ZNF608: variants seen among roughly 807,000 people sequenced by gnomAD.
ZNF608 encodes the protein renal carcinoma antigen NY-REN-36.
In ZNF608, 12 loss-of-function variants were observed where a neutral mutation model predicts 109.0. The ratio of observed to expected loss-of-function variants is 0.11; its 90% confidence interval spans 0.07 to 0.18. The LOEUF (loss-of-function observed/expected upper bound fraction) is 0.18, where lower values mean the gene tolerates loss of function less well. ZNF608 is among the 10% of genes least tolerant of loss of function. The pLI, the probability that ZNF608 is intolerant of heterozygous loss-of-function variation, is 1.00. For synonymous variants in ZNF608, 732 were observed against 717.4 expected (o/e 1.02, Z -0.33); for missense variants, 1,707 against 1,879.3 (o/e 0.91, Z 1.70).
chr5:124,685,753 A>G (rs960547691), intron 3 of ZNF608, among the ~76,000 whole-genome samples: 1 of 152,172 alleles, frequency 6.6e-6, no homozygotes, highest in Non-Finnish European at 1.5e-5. Context: ...AGGTGGGTAT[A>G]TGTGGTTAGA....
intron 2 of ZNF608, among the ~76,000 whole-genome samples, chr5:124,738,557 A>G (rs1471747784): frequency 6.6e-6 from 1 of 152,320 alleles, no homozygotes; most frequent in African/African-American, 2.4e-5. Context: ...AGTGTGTTCA[A>G]TGTGGCAATT....
At chr5:124,677,988 G>C (rs1752026056) in intron 3 of ZNF608, among the ~76,000 whole-genome samples, 1 of 152,012 alleles carries the variant, frequency 6.6e-6, no homozygotes, top group Non-Finnish European at 1.5e-5. Flanking sequence ...CCAATATATG[G>C]TAATTAATTT....
intron 3 of ZNF608, among the ~76,000 whole-genome samples, chr5:124,697,523 A>G (rs576325085): frequency 1.3e-5 from 2 of 152,328 alleles, no homozygotes; most frequent in South Asian, 4.1e-4. Flanking sequence ...CCTTAAAGAA[A>G]AAAGATCAGA....
At position 124,646,967 on chromosome 5, in the gene ZNF608, G is replaced by A. The variant is rs1750538039; in HGVS notation, c.3417C>T (p.Gly1139=). Residue 1139 remains glycine (G), a synonymous_variant, in exon 5 of 10, where the codon GGC becomes GGT. Transcript: ENST00000513986. ...RKSELPLKEL[G]KEETKQKNMP... is the part of the protein sequence containing the mutation. ...TATTTTTCTGTTTAGTTTCCTCCTT[G>A]CCCAGCTCTTTCAAGGGGAGCTCAC... 1.2e-6 allele frequency: 2 copies of A among 1,613,894 alleles called. No homozygotes were observed. Among genetic ancestry groups the A allele is most frequent in the African/African-American group, 1.3e-5 (1 of 74,876 alleles).
chr5:124,700,901 A>G (rs992427218), intron 3 of ZNF608, 113 bp downstream of exon 3: 9 of 1,411,092 alleles, frequency 6.4e-6, no homozygotes, highest in Non-Finnish European at 8.6e-6. Flanking sequence ...GGAAATAAAA[A>G]ACACTTTCCA....
At chr5:124,723,369 A>T (rs1001477163) in intron 2 of ZNF608, among the ~76,000 whole-genome samples, 2 of 152,216 alleles carry the variant, frequency 1.3e-5, no homozygotes, top group South Asian at 2.1e-4. Context: ...GTTTAGGGAG[A>T]CATTTCTTAC....
chr5:124,637,022 C>T lies in ZNF608; in HGVS notation c.*878G>A, dbSNP rs1311513180. The T allele has an allele frequency of 6.7e-6, 1 of 149,294 alleles. No homozygotes were observed. The highest frequency in any genetic ancestry group is 2.5e-5 in the African/African-American group (1 of 40,348). 9.2% of individuals were successfully genotyped at this position (149,294 alleles called of 1,614,324 possible). A position where few individuals can be genotyped will look rare whatever the true frequency, so the allele number is the denominator to read the frequency against. ...ATTTTACATAAAATAAACTAGATTA[C>T]AGCATAAAACAAGTAACCAGGCAAT... On this transcript the variant is annotated 3_prime_UTR_variant, in exon 10 of 10. Transcript: ENST00000513986.
intron 2 of ZNF608, among the ~76,000 whole-genome samples, chr5:124,707,248 T>C (rs1753301880): frequency 6.6e-6 from 1 of 152,096 alleles, no homozygotes; most frequent in South Asian, 2.1e-4. Context: ...GCACTCCTGC[T>C]CCACCCAGAC....
intron 2 of ZNF608, among the ~76,000 whole-genome samples, chr5:124,736,624 A>G: frequency 6.6e-6 from 1 of 152,234 alleles, no homozygotes; most frequent in East Asian, 1.9e-4. Flanking sequence ...AAAATTTTCT[A>G]ACCTAACTAG....
intron 2 of ZNF608, among the ~76,000 whole-genome samples, chr5:124,716,617 G>A (rs1474060594): frequency 6.6e-6 from 1 of 152,186 alleles, no homozygotes; most frequent in East Asian, 1.9e-4. Flanking sequence ...TTTTGTTTTG[G>A]TGGAGTGGGG....
At chr5:124,695,763 T>C (rs1337088608) in intron 3 of ZNF608, among the ~76,000 whole-genome samples, 1 of 151,086 alleles carries the variant, frequency 6.6e-6, no homozygotes, top group Non-Finnish European at 1.5e-5. Context: ...ACTGAGACCC[T>C]GTCTCAAAAA....
intron 2 of ZNF608, among the ~76,000 whole-genome samples, chr5:124,735,829 A>C (rs1223991566): frequency 1.3e-5 from 2 of 152,198 alleles, no homozygotes; most frequent in Non-Finnish European, 2.9e-5. Context: ...TTGGGGGCAG[A>C]AACAAACAAT....
chr5:124,653,176 CCA>C (rs1199880623), intron 3 of ZNF608, among the ~76,000 whole-genome samples: 1 of 152,140 alleles, frequency 6.6e-6, no homozygotes, highest in Non-Finnish European at 1.5e-5. Context: ...AGTGTGCTGA[CCA>C]CACACAGCTT....
At chr5:124,638,046 G>A (rs1750058836) in intron 9 of ZNF608, 140 bp from the exon 10 acceptor site, 4 of 752,822 alleles carry the variant, frequency 5.3e-6, no homozygotes, top group South Asian at 1.6e-5. Context: ...TGCCTCCTGG[G>A]TTCAAGTGAT....
chr5:124,701,101 C>G lies in ZNF608; in HGVS notation c.1075G>C (p.Val359Leu), dbSNP rs1019779887. 2 of 1,614,216 alleles carry G rather than the reference C, an allele frequency of 1.2e-6. No homozygotes were observed. Among genetic ancestry groups the G allele is most frequent in the East Asian group, 2.2e-5 (1 of 44,886 alleles). ...CCAAGACACTCTGGCTCTGTCACTACTCCAACTTCACATGTATTGACACCC... is the reference window on the plus strand; with the variant it reads ...CCAAGACACTCTGGCTCTGTCACTAGTCCAACTTCACATGTATTGACACCC... ...SVGVNTCEVG[V>L]VTEPECLGPC... The change falls in exon 3 of 10, where the codon GTA becomes CTA. Residue 359 changes from valine (V) to leucine (L), a missense_variant. By Grantham distance (32) the Val-to-Leu change is conservative (BLOSUM62 1). Transcript: ENST00000513986.
At chr5:124,717,659 T>C (rs1048400548) in intron 2 of ZNF608, among the ~76,000 whole-genome samples, 1 of 152,158 alleles carries the variant, frequency 6.6e-6, no homozygotes. Context: ...AAAATGAGCT[T>C]AGATATCATT....
At chr5:124,684,908 A>G (rs1425135337) in intron 3 of ZNF608, among the ~76,000 whole-genome samples, 4 of 152,202 alleles carry the variant, frequency 2.6e-5, no homozygotes, top group African/African-American at 7.2e-5. Context: ...CTGCAACAAT[A>G]CATTTTTTAA....
upstream of ZNF608, among the ~76,000 whole-genome samples, chr5:124,746,962 G>A (rs562688132): frequency 7.0e-6 from 1 of 143,800 alleles, no homozygotes. Context: ...GGGGCTTGGG[G>A]CGGTGGGGTG....
intron 3 of ZNF608, among the ~76,000 whole-genome samples, chr5:124,663,767 T>C (rs1013124238): frequency 2.6e-5 from 4 of 152,176 alleles, no homozygotes; most frequent in Non-Finnish European, 5.9e-5. Flanking sequence ...ATGGATTGAC[T>C]CCAAGATATG....
Sources: allele counts gnomAD v4.1 joint callset (sites outside exome capture counted in the v4.1 genomes callset), GRCh38; gene constraint gnomAD v4.1.1; transcripts MANE v1.5; gene names NCBI Gene and HGNC (gene_info 2026-07-23, HGNC 2026-07-21).